AGMO: variants seen among roughly 807,000 people sequenced by gnomAD.
AGMO encodes the protein glyceryl-ether monooxygenase.
In AGMO, 75 loss-of-function variants were observed where a neutral mutation model predicts 60.2. The ratio of observed to expected loss-of-function variants is 1.25; its 90% CI spans 1.03 to 1.51. The LOEUF is 1.51. Ranked by LOEUF, AGMO falls within the 40% of genes most tolerant of loss-of-function variation. The probability of loss-of-function intolerance (pLI) is 0.00; values close to 1 mark genes in which losing one functional copy is unlikely to be tolerated. For missense variants in AGMO, 763 were observed against 525.5 expected, an observed-to-expected ratio of 1.45 and a Z score of -4.42; for synonymous variants, 261 against 177.1, an observed-to-expected ratio of 1.47 and a Z score of -3.76.
chr7:15,355,737 C>A (rs923422260), intron 12 of AGMO, among the ~76,000 whole-genome samples: 4 of 151,900 alleles, frequency 2.6e-5, no homozygotes. Context: ...CATCTTCATA[C>A]ATAAAGGGGA....
intron 12 of AGMO, among the ~76,000 whole-genome samples, chr7:15,258,865 G>C (rs1421421920): frequency 6.6e-6 from 1 of 152,112 alleles, no homozygotes; most frequent in East Asian, 1.9e-4. Context: ...CTATTCCTTA[G>C]GGGAAGGAGG....
At chr7:15,348,018 C>T (rs1056298799) in intron 12 of AGMO, among the ~76,000 whole-genome samples, 3 of 152,018 alleles carry the variant, frequency 2.0e-5, no homozygotes, top group Admixed American at 6.6e-5. Context: ...AGACATTTTC[C>T]TGAAGTTAAC....
At chr7:15,178,858 G>A in the AGMO span, among the ~76,000 whole-genome samples, 1 of 152,060 alleles carries the variant, frequency 6.6e-6, no homozygotes, top group Admixed American at 6.6e-5. Flanking sequence ...GGGAGTTCAA[G>A]ACCATGGCAT....
intron 12 of AGMO, among the ~76,000 whole-genome samples, chr7:15,224,497 C>G (rs985839038): frequency 6.6e-6 from 1 of 151,928 alleles, no homozygotes; most frequent in African/African-American, 2.4e-5. Flanking sequence ...AAGGCTATCA[C>G]CAGAAACTGG....
At chr7:15,547,636 T>G (rs911015676) in intron 2 of AGMO, among the ~76,000 whole-genome samples, 1 of 151,832 alleles carries the variant, frequency 6.6e-6, no homozygotes, top group African/African-American at 2.4e-5. Flanking sequence ...CACCACGAGA[T>G]TATATCCGCA....
At chr7:15,131,304 A>T in the AGMO span, among the ~76,000 whole-genome samples, 1 of 152,192 alleles carries the variant, frequency 6.6e-6, no homozygotes, top group Non-Finnish European at 1.5e-5. Flanking sequence ...AACTTAAAAT[A>T]TAACAGGATG....
downstream of AGMO, among the ~76,000 whole-genome samples, chr7:15,199,667 A>G (rs932357261): frequency 4.1e-4 from 62 of 152,318 alleles, no homozygotes; most frequent in African/African-American, 1.4e-3. Flanking sequence ...AAGCCAGCAG[A>G]GGGCTCCCTA....
intron 12 of AGMO, among the ~76,000 whole-genome samples, chr7:15,325,446 C>T (rs1781307608): frequency 7.8e-6 from 1 of 127,830 alleles, no homozygotes; most frequent in Non-Finnish European, 1.9e-5. Context: ...CCTTAAAAAG[C>T]TTATTTTTAA....
intron 12 of AGMO, among the ~76,000 whole-genome samples, chr7:15,258,820 C>A (rs971026963): frequency 6.6e-6 from 1 of 152,164 alleles, no homozygotes; most frequent in African/African-American, 2.4e-5. Flanking sequence ...CTCAGAAGAG[C>A]AAAAACAATC....
chr7:15,389,039 A>G (rs1784035742), intron 8 of AGMO, among the ~76,000 whole-genome samples: 1 of 152,158 alleles, frequency 6.6e-6, no homozygotes, highest in Non-Finnish European at 1.5e-5. Flanking sequence ...TGCAGCTCTT[A>G]TTGTATTTAA....
At chr7:15,381,790 G>C (rs35963950) in intron 10 of AGMO, among the ~76,000 whole-genome samples, 4,227 of 152,234 alleles carry the variant, frequency 0.028, 84 homozygotes, top group Non-Finnish European at 0.044. Context: ...ATCAATGATA[G>C]ACTGGATAAA....
chr7:15,374,490 A>G (rs1257708526), intron 10 of AGMO, among the ~76,000 whole-genome samples: 1 of 152,110 alleles, frequency 6.6e-6, no homozygotes, highest in East Asian at 1.9e-4. Flanking sequence ...AAATACCAAA[A>G]TATTAGATAT....
At chr7:15,549,241 G>T (rs1297535648) in intron 2 of AGMO, among the ~76,000 whole-genome samples, 1 of 143,088 alleles carries the variant, frequency 7.0e-6, no homozygotes, top group Admixed American at 7.0e-5. Flanking sequence ...ATCGAGACTA[G>T]GAAGAAACTG....
the AGMO span, among the ~76,000 whole-genome samples, chr7:15,119,145 C>A: frequency 2.0e-5 from 3 of 151,792 alleles, no homozygotes; most frequent in East Asian, 5.9e-4. Flanking sequence ...AGATCTGTGT[C>A]CCCACCCAAA....
intron 5 of AGMO, among the ~76,000 whole-genome samples, chr7:15,415,099 T>A (rs892668644): frequency 1.3e-5 from 2 of 151,788 alleles, no homozygotes; most frequent in African/African-American, 4.8e-5. Flanking sequence ...AGAGAATATT[T>A]AAAAAAAATA....
At chr7:15,328,500 G>C (rs1781412825) in intron 12 of AGMO, among the ~76,000 whole-genome samples, 1 of 152,148 alleles carries the variant, frequency 6.6e-6, no homozygotes, top group African/African-American at 2.4e-5. Context: ...TTAATTGTAA[G>C]AAATTCCCTC....
At chr7:15,133,486 G>A in the AGMO span, among the ~76,000 whole-genome samples, 31 of 128,864 alleles carry the variant, frequency 2.4e-4, no homozygotes, top group African/African-American at 7.5e-4. Flanking sequence ...AGAATGGAGA[G>A]AGAATACCAT....
intron 12 of AGMO, among the ~76,000 whole-genome samples, chr7:15,313,827 T>C (rs1474223013): frequency 6.6e-6 from 1 of 152,016 alleles, no homozygotes; most frequent in Non-Finnish European, 1.5e-5. Context: ...AATAACATAG[T>C]ACAATTATAG....
At chr7:15,517,561 G>C (rs1350153507) in intron 3 of AGMO, among the ~76,000 whole-genome samples, 2 of 151,692 alleles carry the variant, frequency 1.3e-5, no homozygotes, top group African/African-American at 4.8e-5. Flanking sequence ...GAAGTGCAAG[G>C]GGTCAGGAAC....
Sources: gnomAD v4.1 joint callset for allele counts (sites outside exome capture counted in the v4.1 genomes callset) on GRCh38, gnomAD v4.1.1 for gene constraint, MANE v1.5 for transcripts, NCBI Gene and HGNC (gene_info 2026-07-23, HGNC 2026-07-21) for gene names.